Variants in CTNNA3 observed in about 807,000 individuals in gnomAD.
CTNNA3 encodes catenin alpha 3, also known as catenin alpha-3.
CTNNA3 carries 76 observed loss-of-function variants against 95.7 expected under a neutral mutation model. The ratio of observed to expected loss-of-function variants is 0.79; its 90% CI spans 0.66 to 0.96. The LOEUF is 0.96. Among genes scored for constraint, CTNNA3 ranks in the 40% least tolerant of loss-of-function variants. The pLI is 0.00. For missense variants in CTNNA3, 1,191 were observed against 1,089.8 expected, an observed-to-expected ratio of 1.09 and a Z score of -1.31; for synonymous variants, 431 against 374.4, an observed-to-expected ratio of 1.15 and a Z score of -1.74.
chr10:67,693,124 A>G (rs990353872), intron 1 of CTNNA3, among the ~76,000 whole-genome samples: 1 of 152,240 alleles, frequency 6.6e-6, no homozygotes, highest in African/African-American at 2.4e-5. Context: ...TAGTGATTAA[A>G]TTGGTTACAG....
At chr10:67,517,106 G>GAT (rs1400225704) in intron 5 of CTNNA3, among the ~76,000 whole-genome samples, 1 of 151,978 alleles carries the variant, frequency 6.6e-6, no homozygotes, top group African/African-American at 2.4e-5. Flanking sequence ...ATTTTCTTTG[G>GAT]ATATATACCC....
In CTNNA3 at chr10:66,051,347, A is replaced by T. The variant is rs937964772; in HGVS notation, c.2159+17961T>A. ...GCATGAATGAATGAGCACATGAATG[A>T]ACAAATAAGTGAATGAATCTTTGAC... On this transcript the variant is annotated intron_variant, in intron 15 of 17. Transcript: ENST00000433211. 3.3e-5 allele frequency among the ~76,000 whole-genome samples: 5 copies of T among 152,248 alleles called. No homozygotes were observed. The South Asian group carries it at 1.0e-3, about 32-fold the overall frequency.
chr10:67,374,730 G>A (rs1416870815), intron 5 of CTNNA3, among the ~76,000 whole-genome samples: 1 of 152,162 alleles, frequency 6.6e-6, no homozygotes, highest in African/African-American at 2.4e-5. Flanking sequence ...AAGTAAAGCA[G>A]CAATCTATAT....
chr10:67,032,254 T>C (rs745890572), intron 7 of CTNNA3, among the ~76,000 whole-genome samples: 3 of 152,180 alleles, frequency 2.0e-5, no homozygotes, highest in Non-Finnish European at 1.5e-5. Flanking sequence ...TTTTTTATAT[T>C]GTGCTTCATT....
chr10:66,618,864 G>GA (rs1158978900), intron 10 of CTNNA3, among the ~76,000 whole-genome samples: 1 of 151,834 alleles, frequency 6.6e-6, no homozygotes. Context: ...ACATTTACAA[G>GA]AAAAAAACAA....
At chr10:66,990,218 T>C (rs1343111217) in intron 7 of CTNNA3, among the ~76,000 whole-genome samples, 1 of 152,106 alleles carries the variant, frequency 6.6e-6, no homozygotes, top group Admixed American at 6.6e-5. Context: ...GCAAAAGTAA[T>C]GAGGTGGGGC....
At chr10:66,585,719 T>C (rs1453224826) in intron 10 of CTNNA3, among the ~76,000 whole-genome samples, 1 of 152,054 alleles carries the variant, frequency 6.6e-6, no homozygotes, top group Non-Finnish European at 1.5e-5. Flanking sequence ...TTGATTAACA[T>C]AATAATCAAC....
chr10:65,949,471 A>G (rs2077575136), intron 17 of CTNNA3, among the ~76,000 whole-genome samples: 1 of 152,212 alleles, frequency 6.6e-6, no homozygotes, highest in Admixed American at 6.5e-5. Flanking sequence ...AAAGGACACA[A>G]TGATGCTACT....
chr10:67,700,333 C>A (rs1484020828), upstream of CTNNA3, among the ~76,000 whole-genome samples: 1 of 152,192 alleles, frequency 6.6e-6, no homozygotes, highest in Non-Finnish European at 1.5e-5. Flanking sequence ...CAAGTGGGTC[C>A]CTGACCCCTT....
intron 6 of CTNNA3, among the ~76,000 whole-genome samples, chr10:67,190,558 A>T: frequency 6.6e-6 from 1 of 152,120 alleles, no homozygotes; most frequent in East Asian, 1.9e-4. Context: ...CTTAAATTTT[A>T]AAAAAGATAA....
chr10:66,793,385 T>C (rs148242570), intron 7 of CTNNA3, among the ~76,000 whole-genome samples: 16 of 152,258 alleles, frequency 1.1e-4, no homozygotes, highest in African/African-American at 3.1e-4. Flanking sequence ...TCAAGTGATC[T>C]GCCCACCTCG....
intron 13 of CTNNA3, among the ~76,000 whole-genome samples, chr10:66,204,034 T>C (rs2087603340): frequency 6.6e-6 from 1 of 152,092 alleles, no homozygotes; most frequent in African/African-American, 2.4e-5. Flanking sequence ...TACAGACACA[T>C]TGTCATCTTT....
At chr10:66,712,465 G>A (rs1438701347) in intron 9 of CTNNA3, among the ~76,000 whole-genome samples, 3 of 152,110 alleles carry the variant, frequency 2.0e-5, no homozygotes, top group Non-Finnish European at 2.9e-5. Context: ...AAGGTAGTTA[G>A]TCACCATTTT....
At chr10:67,147,404 C>T (rs1860897675) in intron 7 of CTNNA3, among the ~76,000 whole-genome samples, 1 of 152,178 alleles carries the variant, frequency 6.6e-6, no homozygotes, top group African/African-American at 2.4e-5. Context: ...GTTTCTAAAA[C>T]AGTAACTGGT....
At chr10:66,205,499 T>G (rs2087701688) in intron 13 of CTNNA3, among the ~76,000 whole-genome samples, 1 of 152,016 alleles carries the variant, frequency 6.6e-6, no homozygotes, top group African/African-American at 2.4e-5. Context: ...TTCTATAACT[T>G]AAGTTCTCAA....
intron 13 of CTNNA3, among the ~76,000 whole-genome samples, chr10:66,197,034 C>G (rs1457081478): frequency 1.3e-5 from 2 of 152,166 alleles, no homozygotes; most frequent in African/African-American, 4.8e-5. Context: ...GAACATAAGA[C>G]AGCATGCTGC....
At chr10:66,073,836 ACAC>A (rs975187346) in intron 14 of CTNNA3, among the ~76,000 whole-genome samples, 4 of 152,108 alleles carry the variant, frequency 2.6e-5, no homozygotes, top group East Asian at 3.9e-4. Flanking sequence ...AATTCCTCAA[ACAC>A]CACCATTATA....
intron 7 of CTNNA3, among the ~76,000 whole-genome samples, chr10:66,851,526 A>G (rs1843486359): frequency 6.6e-6 from 1 of 151,964 alleles, no homozygotes; most frequent in South Asian, 2.1e-4. Flanking sequence ...TTTCTCCTGA[A>G]TGGTTTAGCA....
chr10:67,269,438 T>C (rs1243482931), intron 5 of CTNNA3, among the ~76,000 whole-genome samples: 1 of 152,164 alleles, frequency 6.6e-6, no homozygotes, highest in Admixed American at 6.5e-5. Flanking sequence ...TCAAATGTGC[T>C]TCAATATTTT....
Sources: gnomAD v4.1 joint callset for allele counts (sites outside exome capture counted in the v4.1 genomes callset) on GRCh38, gnomAD v4.1.1 for gene constraint, MANE v1.5 for transcripts, NCBI Gene and HGNC (gene_info 2026-07-23, HGNC 2026-07-21) for gene names.